The following ALK variants were observed in gnomAD, a reference collection of about 807,000 sequenced individuals.
ALK encodes ALK tyrosine kinase receptor.
In ALK, 74 loss-of-function variants were observed where a neutral mutation model predicts 163.1. The ratio of observed to expected loss-of-function variants is 0.45; its 90% confidence interval spans 0.38 to 0.55. The LOEUF is 0.55. Ranked by LOEUF, ALK falls within the 20% of genes least tolerant of loss-of-function variation. The pLI is 0.00. For missense variants in ALK, 2,063 were observed against 2,105.3 expected (o/e 0.98, Z 0.39); for synonymous variants, 960 against 843.2 (o/e 1.14, Z -2.40).
At chr2:29,584,969 C>T (rs111901915) in intron 3 of ALK, among the ~76,000 whole-genome samples, 3,993 of 152,230 alleles carry the variant, frequency 0.026, 128 homozygotes, top group African/African-American at 0.072. Context: ...ACTTCGTGTG[C>T]TTTGCTTCGT....
At chr2:29,492,791 T>C (rs763169124) in intron 4 of ALK, among the ~76,000 whole-genome samples, 1 of 152,230 alleles carries the variant, frequency 6.6e-6, no homozygotes, top group Non-Finnish European at 1.5e-5. Flanking sequence ...AGTTGCAGAT[T>C]AGACGTAGGT....
intron 8 of ALK, among the ~76,000 whole-genome samples, chr2:29,304,370 C>A (rs1666447587): frequency 6.6e-6 from 1 of 151,918 alleles, no homozygotes; most frequent in Non-Finnish European, 1.5e-5. Context: ...GTGGCAGGTG[C>A]CTGTAGTCCC....
chr2:29,547,732 G>A (rs574945114), intron 3 of ALK, among the ~76,000 whole-genome samples: 1 of 152,240 alleles, frequency 6.6e-6, no homozygotes, highest in South Asian at 2.1e-4. Flanking sequence ...TTCTTTTATT[G>A]AGACTGGAAG....
At chr2:29,858,658 G>T (rs914311135) in intron 1 of ALK, among the ~76,000 whole-genome samples, 1 of 152,060 alleles carries the variant, frequency 6.6e-6, no homozygotes, top group Non-Finnish European at 1.5e-5. Context: ...CAGGAGACTT[G>T]CTTGAACCCA....
chr2:29,193,844 G>C lies in ALK; in HGVS notation c.4243C>G (p.Pro1415Ala), dbSNP rs2148138929. Residue 1415 changes from proline (P) to alanine (A), a missense_variant, in exon 29 of 29, where the codon CCC becomes GCC. By Grantham distance (27) the Pro-to-Ala change is conservative (BLOSUM62 -1). Coordinates refer to ENST00000389048, the MANE Select transcript of ALK (RefSeq NM_004304.5). ...GGAGGAACCCCCTCAGGGTCCTTGG[G>C]CCTCACAGGCACTTTCTCTTCCTCT... ...VEEEEKVPVR[P>A]KDPEGVPPLL... The C allele has an allele frequency of 6.2e-7, 1 of 1,612,964 alleles. No individual in the cohort carries two copies. Among genetic ancestry groups the C allele is most frequent in the Non-Finnish European group, 8.5e-7 (1 of 1,179,554 alleles).
chr2:29,316,437 C>T (rs775009925), intron 8 of ALK, among the ~76,000 whole-genome samples: 1 of 152,168 alleles, frequency 6.6e-6, no homozygotes, highest in Non-Finnish European at 1.5e-5. Context: ...AAAAATAAAA[C>T]AGGCCAGTAA....
chr2:29,441,846 C>T (rs1670553740), intron 4 of ALK, among the ~76,000 whole-genome samples: 1 of 152,062 alleles, frequency 6.6e-6, no homozygotes, highest in African/African-American at 2.4e-5. Context: ...CCTCTGCAGC[C>T]CAGGAATGCC....
Position 29,251,141 on chromosome 2 carries a change from A to G in ALK, c.2168T>C (p.Ile723Thr), listed in dbSNP as rs1664804969. Residue 723 changes from isoleucine to threonine, a missense_variant, in exon 12 of 29, where the codon ATC (isoleucine) becomes ACC (threonine). This residue lies in a region of ALK where 987 missense variants were observed against 939.5 expected (regional missense o/e 1.05). Transcript: ENST00000389048. Reference sequence around the variant, plus strand: ...GGTGGCTGGCACCTTCCAGATCTGGATGCCTTTCAGGGGGCCCTCGCTCCC... The same window carrying G: ...GGTGGCTGGCACCTTCCAGATCTGGGTGCCTTTCAGGGGGCCCTCGCTCCC... ...EVGSEGPLKG[I>T]QIWKVPATDT... 1.2e-6 allele frequency: 2 copies of G among 1,613,882 alleles called. No homozygotes were observed. Among genetic ancestry groups the G allele is most frequent in the African/African-American group, 1.3e-5 (1 of 74,882 alleles).
chr2:29,747,129 G>A (rs1182028197), intron 1 of ALK, among the ~76,000 whole-genome samples: 1 of 152,122 alleles, frequency 6.6e-6, no homozygotes, highest in East Asian at 1.9e-4. Context: ...GGCCAGTGCT[G>A]ACTGATGGAA....
At chr2:29,713,188 T>C (rs1370816330) in intron 2 of ALK, among the ~76,000 whole-genome samples, 1 of 152,228 alleles carries the variant, frequency 6.6e-6, no homozygotes, top group African/African-American at 2.4e-5. Context: ...TATATGTGCC[T>C]GTGTTTTCTC....
intron 1 of ALK, among the ~76,000 whole-genome samples, chr2:29,822,985 A>G (rs771477394): frequency 4.6e-5 from 7 of 152,168 alleles, no homozygotes; most frequent in Non-Finnish European, 1.0e-4. Flanking sequence ...ATATGGTTTG[A>G]CTGTGTCCCC....
intron 3 of ALK, among the ~76,000 whole-genome samples, chr2:29,644,435 C>A (rs1160458647): frequency 6.6e-6 from 1 of 152,028 alleles, no homozygotes; most frequent in Non-Finnish European, 1.5e-5. Flanking sequence ...TAGTTTCCTG[C>A]TATCCTTCAG....
intron 26 of ALK, among the ~76,000 whole-genome samples, chr2:29,203,165 C>T (rs1038062657): frequency 3.3e-5 from 5 of 152,106 alleles, no homozygotes; most frequent in African/African-American, 1.2e-4. Context: ...ACTTAGAGAT[C>T]CACTGGGTTA....
chr2:29,504,269 G>C (rs1050923126), intron 4 of ALK, among the ~76,000 whole-genome samples: 2 of 152,152 alleles, frequency 1.3e-5, no homozygotes, highest in Non-Finnish European at 2.9e-5. Flanking sequence ...CGCTGTGTGA[G>C]AGAAGGTCAG....
At chr2:29,200,257 C>T (rs1669123322) in intron 26 of ALK, among the ~76,000 whole-genome samples, 1 of 152,084 alleles carries the variant, frequency 6.6e-6, no homozygotes, top group South Asian at 2.1e-4. Context: ...GGCAGTAAGG[C>T]CTAAAGAATT....
chr2:29,319,558 C>T (rs963845370), intron 7 of ALK, among the ~76,000 whole-genome samples: 2 of 152,030 alleles, frequency 1.3e-5, no homozygotes, highest in Non-Finnish European at 2.9e-5. Context: ...CTCCAGGGGG[C>T]AAAAGGCATG....
In ALK at chr2:29,193,291, G is replaced by T. The variant is rs1881423; in HGVS notation, c.4796C>A (p.Pro1599His). Residue 1599 changes from proline to histidine, a missense_variant, in exon 29 of 29, where the codon CCT becomes CAT. This residue lies in a region of ALK where 403 missense variants were observed against 366.2 expected (regional missense o/e 1.10). Transcript: ENST00000389048. ...GGTATCCTCGTAATGACCAGCTCCA[G>T]GGGCAGTAGCGGCTTCTAAGGGCAA... ...QGLPLEAATAPGAGHYEDTIL... is the reference protein window; with the variant it reads ...QGLPLEAATAHGAGHYEDTIL... 231 of 1,614,176 alleles carry T rather than the reference G, an allele frequency of 1.4e-4. No homozygotes were observed. The African/African-American group carries it at 2.7e-3, about 19-fold the overall frequency.
At chr2:29,353,757 A>G (rs1317788292) in intron 5 of ALK, among the ~76,000 whole-genome samples, 3 of 152,136 alleles carry the variant, frequency 2.0e-5, no homozygotes, top group East Asian at 1.9e-4. Flanking sequence ...AAGGCTTCCT[A>G]TTAGGTTGAA....
At chr2:29,288,479 C>G (rs992067753) in intron 9 of ALK, among the ~76,000 whole-genome samples, 2 of 152,200 alleles carry the variant, frequency 1.3e-5, no homozygotes, top group African/African-American at 4.8e-5. Flanking sequence ...ACAGGCTGAC[C>G]TCTTCACGGC....
Sources: gnomAD v4.1 joint callset for allele counts (sites outside exome capture counted in the v4.1 genomes callset) on GRCh38, gnomAD v4.1.1 for gene constraint, gnomAD v4.1.1 regional missense constraint, MANE v1.5 for transcripts, NCBI Gene and HGNC (gene_info 2026-07-23, HGNC 2026-07-21) for gene names.